Variants in NHS observed in about 807,000 individuals in gnomAD.
The protein encoded by NHS is NHS actin remodeling regulator.
NHS carries 5 observed loss-of-function variants against 72.5 expected under a neutral mutation model. That is an observed-to-expected ratio of 0.07 (90% confidence interval 0.04 to 0.14). The LOEUF is 0.14. Ranked by LOEUF, NHS falls within the 10% of genes least tolerant of loss-of-function variation. The pLI, the probability that NHS is intolerant of heterozygous loss-of-function variation, is 1.00. For missense variants in NHS, 1,072 were observed against 1,355.7 expected (o/e 0.79, Z 3.29); for synonymous variants, 464 against 547.7 (o/e 0.85, Z 2.13).
chrX:17,726,198 C>T lies in NHS; in HGVS notation c.2092C>T (p.Arg698Trp). ...NDHLDKVRGHRANSFTSTVAD... is the reference protein window; with the variant it reads ...NDHLDKVRGHWANSFTSTVAD... The stretch of plus-strand genomic sequence containing the variant: ...CCACTTGGATAAAGTGAGAGGCCAT[C>T]GGGCAAACTCCTTTACCTCCACTGT... Residue 698 changes from arginine (R) to tryptophan (W), a missense_variant, in exon 7 of 9, where the codon CGG becomes TGG. Physicochemically the swap from Arg to Trp is moderately radical, Grantham distance 101. Transcript: ENST00000676302. 3.3e-6 allele frequency: 4 copies of T among 1,212,029 alleles called. No individual in the cohort carries two copies. Among genetic ancestry groups the T allele is most frequent in the East Asian group, 3.0e-5 (1 of 33,839 alleles).
chrX:17,447,071 G>A (rs999760391), intron 1 of NHS, among the ~76,000 whole-genome samples: 1 of 111,854 alleles, frequency 8.9e-6, no homozygotes, highest in Admixed American at 9.5e-5. Flanking sequence ...CTGGCTTGTG[G>A]GTGCCAATTG....
intron 1 of NHS, among the ~76,000 whole-genome samples, chrX:17,411,062 G>C (rs1306956240): frequency 7.1e-5 from 8 of 111,961 alleles, no homozygotes; most frequent in Admixed American, 6.6e-4. Flanking sequence ...CTTTTCCCAA[G>C]AGGTGGTGAT....
In NHS at chrX:17,398,293, G is replaced by A. The variant is rs927545302; in HGVS notation, c.565+21971G>A. Among the ~76,000 whole-genome samples, 4 of 111,645 alleles carry A rather than the reference G, an allele frequency of 3.6e-5. No individual in the cohort carries two copies. The Admixed American group carries it at 3.8e-4, about 11-fold the overall frequency. ...TGTAACCTATCATTTGAGGAAAAGGGTTGGCTGTTTAATAATAATTGCAAA... is the reference window on the plus strand; with the variant it reads ...TGTAACCTATCATTTGAGGAAAAGGATTGGCTGTTTAATAATAATTGCAAA... On this transcript the variant is annotated intron_variant, in intron 1 of 8. Transcript: ENST00000676302.
At chrX:17,473,791 TAA>T (rs1440961132) in intron 1 of NHS, among the ~76,000 whole-genome samples, 4 of 112,280 alleles carry the variant, frequency 3.6e-5, no homozygotes, top group African/African-American at 1.3e-4. Flanking sequence ...CATAATGGAT[TAA>T]ATAAAACACA....
intron 1 of NHS, among the ~76,000 whole-genome samples, chrX:17,509,845 G>C (rs1295961651): frequency 8.9e-6 from 1 of 112,529 alleles, no homozygotes; most frequent in African/African-American, 3.2e-5. Flanking sequence ...TTGTAATAAA[G>C]GAGTGAAGTT....
intron 3 of NHS, among the ~76,000 whole-genome samples, chrX:17,706,778 A>G (rs2066298911): frequency 8.9e-6 from 1 of 112,108 alleles, no homozygotes; most frequent in Non-Finnish European, 1.9e-5. Context: ...CTATGGAGTC[A>G]GTTAGCCATA....
chrX:17,607,118 A>T (rs1194196633), intron 1 of NHS, among the ~76,000 whole-genome samples: 1 of 110,806 alleles, frequency 9.0e-6, no homozygotes, highest in Non-Finnish European at 1.9e-5. Context: ...TAAAAGCAAG[A>T]TCTTGTCCAG....
chrX:17,396,467 C>T (rs906657884), intron 1 of NHS, among the ~76,000 whole-genome samples: 1 of 111,143 alleles, frequency 9.0e-6, no homozygotes, highest in Non-Finnish European at 1.9e-5. Context: ...CCTAATGAGC[C>T]ACAAACCACA....
At chrX:17,474,734 C>T (rs1349123720) in intron 1 of NHS, among the ~76,000 whole-genome samples, 1 of 111,888 alleles carries the variant, frequency 8.9e-6, no homozygotes, top group Non-Finnish European at 1.9e-5. Context: ...CTGCAGAAGG[C>T]AATTCCCAGA....
chrX:17,531,555 G>A (rs1464882405), intron 1 of NHS, among the ~76,000 whole-genome samples: 2 of 112,223 alleles, frequency 1.8e-5, no homozygotes, highest in South Asian at 3.7e-4. Flanking sequence ...AAAGTTTCCC[G>A]CACCATTATT....
intron 3 of NHS, among the ~76,000 whole-genome samples, chrX:17,707,976 A>T (rs960068736): frequency 1.3e-4 from 15 of 111,682 alleles, no homozygotes; most frequent in African/African-American, 3.6e-4. Context: ...CTTGTCCTAG[A>T]CAAGTCTATT....
At chrX:17,420,856 A>G (rs975412173) in intron 1 of NHS, among the ~76,000 whole-genome samples, 6 of 111,467 alleles carry the variant, frequency 5.4e-5, no homozygotes, top group African/African-American at 2.0e-4. Context: ...AAAAAATACT[A>G]AGTTCTCCTT....
At chrX:17,688,608 G>C (rs909119323) in intron 2 of NHS, among the ~76,000 whole-genome samples, 1 of 111,453 alleles carries the variant, frequency 9.0e-6, no homozygotes, top group African/African-American at 3.3e-5. Flanking sequence ...GGCCTAGAAA[G>C]GTGAGGAAAC....
chrX:17,406,619 TAAAAC>T (rs112988646), intron 1 of NHS, among the ~76,000 whole-genome samples: 65 of 111,314 alleles, frequency 5.8e-4, no homozygotes, highest in African/African-American at 1.2e-3. Flanking sequence ...TCTTTTTCAT[TAAAAC>T]AAAACAAAAC....
intron 1 of NHS, among the ~76,000 whole-genome samples, chrX:17,417,091 TAC>T (rs753132773): frequency 0.046 from 4,525 of 97,545 alleles, 219 homozygotes; most frequent in African/African-American, 0.14. Flanking sequence ...GAAAACAGAA[TAC>T]ACACACACAC....
chrX:17,399,293 G>T (rs1010758509), intron 1 of NHS, among the ~76,000 whole-genome samples: 1 of 110,885 alleles, frequency 9.0e-6, no homozygotes, highest in Non-Finnish European at 1.9e-5. Context: ...GTAGAGACAG[G>T]GTTTCACCAT....
chrX:17,589,496 G>T (rs2065592419), intron 1 of NHS, among the ~76,000 whole-genome samples: 1 of 112,021 alleles, frequency 8.9e-6, no homozygotes, highest in Non-Finnish European at 1.9e-5. Flanking sequence ...CCATCATTTT[G>T]TTCCTTTTTA....
chrX:17,608,419 G>A (rs1401177539), intron 1 of NHS, among the ~76,000 whole-genome samples: 1 of 112,135 alleles, frequency 8.9e-6, no homozygotes, highest in East Asian at 2.8e-4. Flanking sequence ...AGGTAGCTAA[G>A]TAAAACAAGA....
At chrX:17,658,331 C>T (rs2065966883) in intron 1 of NHS, among the ~76,000 whole-genome samples, 1 of 112,059 alleles carries the variant, frequency 8.9e-6, no homozygotes, top group Non-Finnish European at 1.9e-5. Flanking sequence ...ATGTAAATGC[C>T]TATTTTTTTC....
Sources: allele counts gnomAD v4.1 joint callset (sites outside exome capture counted in the v4.1 genomes callset), GRCh38; gene constraint gnomAD v4.1.1; transcripts MANE v1.5; gene names NCBI Gene and HGNC (gene_info 2026-07-23, HGNC 2026-07-21).